Variants in GPR107 observed in about 807,000 individuals in gnomAD.
GPR107 encodes the protein G protein-coupled receptor 107.
A neutral mutation model predicts 75.5 loss-of-function variants in GPR107; 31 were observed. The ratio of observed to expected loss-of-function variants is 0.41; its 90% CI spans 0.31 to 0.55. The LOEUF (loss-of-function observed/expected upper bound fraction) is 0.55. GPR107 is among the 20% of genes least tolerant of loss of function. The probability of loss-of-function intolerance (pLI) is 0.26; values close to 1 mark genes in which losing one functional copy is unlikely to be tolerated. For synonymous variants in GPR107, 267 were observed against 251.3 expected (o/e 1.06, Z -0.59); for missense variants, 572 against 665.7 (o/e 0.86, Z 1.55).
At chr9:130,059,602 A>T (rs1829877619) in intron 1 of GPR107, among the ~76,000 whole-genome samples, 1 of 151,856 alleles carries the variant, frequency 6.6e-6, no homozygotes, top group South Asian at 2.1e-4. Flanking sequence ...CTACAATGCT[A>T]TTATAACAAA....
chr9:130,080,007 A>T (rs1830454236), intron 5 of GPR107, among the ~76,000 whole-genome samples: 1 of 152,214 alleles, frequency 6.6e-6, no homozygotes, highest in East Asian at 1.9e-4. Context: ...ATGTTTTCTT[A>T]TAAGCTTGTT....
rs572281263 is a variant in GPR107 at position 130,130,762 on chromosome 9, C to T, written c.1562+2001C>T. On this transcript the variant is annotated intron_variant, in intron 17 of 17. Coordinates refer to ENST00000347136, the MANE Select transcript of GPR107 (RefSeq NM_020960.5). ...GCAGGCACCTGTAATCCCAGCTACT[C>T]GGGAGGCTGAAGCAGGAGAATCTCT... is the stretch of plus-strand genomic sequence containing the variant. Among the ~76,000 whole-genome samples, 6 of 150,712 alleles carry T rather than the reference C, an allele frequency of 4.0e-5. No homozygotes were observed. In the South Asian group the frequency reaches 1.1e-3, roughly 27 times the overall value.
intron 5 of GPR107, among the ~76,000 whole-genome samples, chr9:130,080,883 C>T (rs983121416): frequency 1.5e-4 from 23 of 151,574 alleles, no homozygotes; most frequent in African/African-American, 5.6e-4. Context: ...TATTAACTGT[C>T]AGGTTCATCT....
chr9:130,104,042 T>G (rs1831100453), intron 12 of GPR107, among the ~76,000 whole-genome samples: 1 of 151,974 alleles, frequency 6.6e-6, no homozygotes, highest in Non-Finnish European at 1.5e-5. Context: ...CCGGGGCTCC[T>G]GGGGGGGCCT....
intron 9 of GPR107, 29 bp downstream of exon 9, chr9:130,092,410 G>A (rs1272949296): frequency 1.9e-6 from 3 of 1,592,028 alleles, no homozygotes; most frequent in Non-Finnish European, 2.6e-6. Context: ...CAACTTAAGA[G>A]TGTGTTGAGA....
At chr9:130,093,927 G>A (rs1302643635) in intron 9 of GPR107, among the ~76,000 whole-genome samples, 3 of 152,146 alleles carry the variant, frequency 2.0e-5, no homozygotes, top group African/African-American at 7.2e-5. Context: ...CGATTCTGGT[G>A]CTTCAGCCTC....
At chr9:130,059,448 A>G (rs922610155) in intron 1 of GPR107, among the ~76,000 whole-genome samples, 3 of 152,106 alleles carry the variant, frequency 2.0e-5, no homozygotes, top group African/African-American at 7.2e-5. Flanking sequence ...AGATTGTGCC[A>G]CTGCACTCAA....
rs539220443 is a variant in GPR107 at position 130,079,905 on chromosome 9, G to T, written c.526+136G>T. 3,758 of 507,460 alleles carry T rather than the reference G, an allele frequency of 7.4e-3. 113 individuals are homozygous for T. Among genetic ancestry groups the T allele is most frequent in the African/African-American group, 0.066 (3,382 of 50,980 alleles). The allele number at this position is 507,460 out of a possible 1,614,324, so 31.4% of individuals were successfully genotyped here. A position where few individuals can be genotyped will look rare whatever the true frequency, so the allele number is the denominator to read the frequency against. ...TATTTTGGAAGTTACACAAAAATAC[G>T]TAAATGTTAAAGAAAAATGTGGAAA... On this transcript the variant is annotated intron_variant, in intron 5 of 17. Coordinates refer to ENST00000347136, the MANE Select transcript of GPR107 (RefSeq NM_020960.5).
rs1262351198 is a variant in GPR107 at position 130,139,256 on chromosome 9, TC to T, written c.*4137del. Reference sequence around the variant, plus strand: ...TCTTGGTATATCAAAAAGATATTCATCCAGAAAGTACCAAATGTTCTGAAAG... The same window carrying T: ...TCTTGGTATATCAAAAAGATATTCATCAGAAAGTACCAAATGTTCTGAAAG... On this transcript the variant is annotated 3_prime_UTR_variant, in exon 18 of 18. Coordinates refer to ENST00000347136, the MANE Select transcript of GPR107 (RefSeq NM_020960.5). 1.3e-5 allele frequency: 2 copies of T among 152,224 alleles called. No individual in the cohort carries two copies. Among genetic ancestry groups the T allele is most frequent in the African/African-American group, 4.8e-5 (2 of 41,452 alleles). 9.4% of individuals were successfully genotyped at this position (152,224 alleles called of 1,614,324 possible).
intron 14 of GPR107, among the ~76,000 whole-genome samples, chr9:130,115,328 G>T (rs1230228653): frequency 6.6e-6 from 1 of 152,090 alleles, no homozygotes; most frequent in African/African-American, 2.4e-5. Flanking sequence ...CGCATGATGT[G>T]AGACTTCCCA....
chr9:130,057,830 A>AT (rs1343754114), intron 1 of GPR107, among the ~76,000 whole-genome samples: 1 of 104,154 alleles, frequency 9.6e-6, no homozygotes, highest in African/African-American at 3.4e-5. Context: ...TTTATTTATT[A>AT]TTATTATTTT....
chr9:130,073,879 C>G (rs1830275220), intron 1 of GPR107, among the ~76,000 whole-genome samples: 1 of 152,218 alleles, frequency 6.6e-6, no homozygotes, highest in Non-Finnish European at 1.5e-5. Flanking sequence ...CCTCAGCCTC[C>G]CAAGTAGCTG....
At chr9:130,090,415 C>G (rs895889578) in intron 7 of GPR107, among the ~76,000 whole-genome samples, 1 of 152,056 alleles carries the variant, frequency 6.6e-6, no homozygotes, top group African/African-American at 2.4e-5. Flanking sequence ...GTATTTTATA[C>G]CTATAAAGAG....
intron 1 of GPR107, among the ~76,000 whole-genome samples, chr9:130,062,888 T>A (rs571102859): frequency 9.9e-5 from 15 of 152,130 alleles, no homozygotes; most frequent in Admixed American, 8.5e-4. Context: ...CACATCTGAC[T>A]AATTTTTTTA....
At chr9:130,067,132 C>G (rs78448275) in intron 1 of GPR107, among the ~76,000 whole-genome samples, 6,142 of 152,236 alleles carry the variant, frequency 0.04, 414 homozygotes, top group African/African-American at 0.14. Flanking sequence ...TCTTTCTTCC[C>G]TCTTATGTAT....
intron 17 of GPR107, chr9:130,133,361 A>G (rs782663943): frequency 2.5e-4 from 38 of 152,246 alleles, no homozygotes; most frequent in African/African-American, 7.7e-4. Context: ...ATCAACGTGC[A>G]TTGAACTCTT....
rs1830616757 is a variant in GPR107 at position 130,086,409 on chromosome 9, T to C, written c.565-11T>C. 4 of 1,361,000 alleles carry C rather than the reference T, an allele frequency of 2.9e-6. No individual in the cohort carries two copies. The highest frequency in any genetic ancestry group is 1.2e-5 in the South Asian group (1 of 85,558). The allele number at this position is 1,361,000 out of a possible 1,614,324, so 84.3% of individuals were successfully genotyped here. A position where few individuals can be genotyped will look rare whatever the true frequency, so the allele number is the denominator to read the frequency against. ...GGTGTCATCCTAAAACATACTATTA[T>C]GTCTTTTTAGGCCATGGGAGAGAAA... is the stretch of plus-strand genomic sequence containing the variant. On this transcript the variant is annotated splice_polypyrimidine_tract_variant and intron_variant, in intron 6 of 17. Coordinates refer to ENST00000347136, the MANE Select transcript of GPR107 (RefSeq NM_020960.5).
Position 130,101,240 on chromosome 9 carries a change from C to T in GPR107, c.1131+17C>T. 1.6e-6 allele frequency: 2 copies of T among 1,286,244 alleles called. No individual in the cohort carries two copies. The highest frequency in any genetic ancestry group is 2.3e-6 in the Non-Finnish European group (2 of 880,662). 79.7% of individuals were successfully genotyped at this position (1,286,244 alleles called of 1,614,324 possible). A position where few individuals can be genotyped will look rare whatever the true frequency, so the allele number is the denominator to read the frequency against. Reference sequence around the variant, plus strand: ...CCACTCCAGGTAAAAGAACCCTCATCCCATTTGTCACTTCCTTTCTTGGCG... The same window carrying T: ...CCACTCCAGGTAAAAGAACCCTCATTCCATTTGTCACTTCCTTTCTTGGCG... On this transcript the variant is annotated intron_variant, in intron 12 of 17. Transcript: ENST00000347136.
intron 9 of GPR107, among the ~76,000 whole-genome samples, chr9:130,097,401 C>T (rs559789157): frequency 1.1e-3 from 161 of 151,964 alleles, no homozygotes; most frequent in Non-Finnish European, 1.8e-3. Context: ...GAGATCCTCC[C>T]GCCTCGGCCT....
Sources: gnomAD v4.1 joint callset for allele counts (sites outside exome capture counted in the v4.1 genomes callset) on GRCh38, gnomAD v4.1.1 for gene constraint, MANE v1.5 for transcripts, NCBI Gene and HGNC (gene_info 2026-07-23, HGNC 2026-07-21) for gene names.